Variants in TGFB3 observed in about 807,000 individuals in gnomAD.
TGFB3 encodes transforming growth factor beta-3 proprotein.
TGFB3 carries 5 observed loss-of-function variants against 40.1 expected under a neutral mutation model. That is an observed-to-expected ratio of 0.12 (90% CI 0.07 to 0.26). The LOEUF is 0.26. Ranked by LOEUF, TGFB3 falls within the 10% of genes least tolerant of loss-of-function variation. The probability of loss-of-function intolerance (pLI) is 1.00; values close to 1 mark genes in which losing one functional copy is unlikely to be tolerated. For missense variants in TGFB3, 373 were observed against 530.1 expected (o/e 0.70, Z 2.91); for synonymous variants, 184 against 205.6 (o/e 0.89, Z 0.90).
At position 75,971,521 on chromosome 14, in the gene TGFB3, G is replaced by A. The variant is rs371799211; in HGVS notation, c.516+34C>T. The A allele has an allele frequency of 2.0e-4, 316 of 1,612,990 alleles. No homozygotes were observed. Among genetic ancestry groups the A allele is most frequent in the Non-Finnish European group, 2.5e-4 (291 of 1,179,604 alleles). On this transcript the variant is annotated intron_variant, in intron 2 of 6. Coordinates refer to ENST00000238682, the MANE Select transcript of TGFB3 (RefSeq NM_003239.5). The surrounding 1 kb of genome is among the most constrained non-coding windows in gnomAD (Gnocchi z 4.5). Reference sequence around the variant, plus strand: ...ATATGGCAAAGGAACCAGCTTTCCCGTCGGTGTGGTTTCTGCTCTGAGAGA... The same window carrying A: ...ATATGGCAAAGGAACCAGCTTTCCCATCGGTGTGGTTTCTGCTCTGAGAGA...
At chr14:75,974,195 G>A (rs2035326133) in intron 1 of TGFB3, among the ~76,000 whole-genome samples, 1 of 152,058 alleles carries the variant, frequency 6.6e-6, no homozygotes, top group Non-Finnish European at 1.5e-5. Context: ...AGTCAGAGTG[G>A]GTCAAGGCAG....
Position 75,979,065 on chromosome 14 carries a change from C to G in TGFB3, c.352+1477G>C, listed in dbSNP as rs1474811492. 6.6e-6 allele frequency among the ~76,000 whole-genome samples: 1 copy of G among 152,174 alleles called. No individual in the cohort carries two copies. Among genetic ancestry groups the G allele is most frequent in the African/African-American group, 2.4e-5 (1 of 41,458 alleles). On this transcript the variant is annotated intron_variant, in intron 1 of 6. Coordinates refer to ENST00000238682, the MANE Select transcript of TGFB3 (RefSeq NM_003239.5). This position sits in a 1 kb window ranked among gnomAD's most constrained non-coding sequence, Gnocchi z 4.8. Reference sequence around the variant, plus strand: ...ACTGTGGGTCTCTGAGCCAGCCCCACCCAGAGACCCTGGGCAGGGAGTAGT... The same window carrying G: ...ACTGTGGGTCTCTGAGCCAGCCCCAGCCAGAGACCCTGGGCAGGGAGTAGT...
intron 6 of TGFB3, among the ~76,000 whole-genome samples, chr14:75,959,931 CTTTTTTTTTTTTTTTTT>C (rs71122509): frequency 3.1e-5 from 1 of 32,004 alleles, no homozygotes; most frequent in Non-Finnish European, 5.4e-5. Context: ...ATTATCTTGG[CTTTTTTTTTTTTTTTTT>C]TTTTTTTTTT....
intron 6 of TGFB3, among the ~76,000 whole-genome samples, chr14:75,959,930 G>GTTT (rs2035132914): frequency 3.3e-5 from 2 of 61,044 alleles, no homozygotes; most frequent in Non-Finnish European, 6.7e-5. Flanking sequence ...AATTATCTTG[G>GTTT]CTTTTTTTTT....
chr14:75,982,004 TTC>T (rs2035442032), upstream of TGFB3, among the ~76,000 whole-genome samples: 1 of 151,810 alleles, frequency 6.6e-6, no homozygotes, highest in African/African-American at 2.4e-5. The surrounding 1 kb of genome is among the most constrained non-coding windows in gnomAD (Gnocchi z 4.0). Context: ...CTTTCTCTAT[TTC>T]TCTCTGCTGA....
rs2035118880 is a variant in TGFB3 at position 75,958,913 on chromosome 14, C to T, written c.*274G>A. The T allele has an allele frequency of 6.6e-6, 3 of 453,292 alleles. No individual in the cohort carries two copies. The highest frequency in any genetic ancestry group is 4.0e-5 in the African/African-American group (2 of 50,158). 28.1% of individuals were successfully genotyped at this position (453,292 alleles called of 1,614,324 possible). A position where few individuals can be genotyped will look rare whatever the true frequency, so the allele number is the denominator to read the frequency against. ...TCAACTTACCATCCCTTTCCTCTAT[C>T]CCCATCCCCTCTGTCTGCGTCACAG... On this transcript the variant is annotated 3_prime_UTR_variant, in exon 7 of 7. Transcript: ENST00000238682.
At chr14:75,960,715 G>T in intron 6 of TGFB3, 1 of 646,872 alleles carries the variant, frequency 1.5e-6, no homozygotes, top group Non-Finnish European at 2.6e-6. Flanking sequence ...TAAAAAGCTG[G>T]TTGAAACTAT....
Position 75,979,042 on chromosome 14 carries a change from T to G in TGFB3, c.352+1500A>C, listed in dbSNP as rs771497812. Among the ~76,000 whole-genome samples, 6 of 152,170 alleles carry G rather than the reference T, an allele frequency of 3.9e-5. No homozygotes were observed. The highest frequency in any genetic ancestry group is 3.3e-4 in the Admixed American group (5 of 15,278). ...CGAGCTGCTAGGTGCCTCTGGGAAC[T>G]GTGGGTCTCTGAGCCAGCCCCACCC... is the stretch of plus-strand genomic sequence containing the variant. On this transcript the variant is annotated intron_variant, in intron 1 of 6. Coordinates refer to ENST00000238682, the MANE Select transcript of TGFB3 (RefSeq NM_003239.5). The surrounding 1 kb of genome is among the most constrained non-coding windows in gnomAD (Gnocchi z 4.8).
rs1044464870 is a variant in TGFB3, at chr14:75,978,782, G to A, written c.352+1760C>T. On this transcript the variant is annotated intron_variant, in intron 1 of 6. Coordinates refer to ENST00000238682, the MANE Select transcript of TGFB3 (RefSeq NM_003239.5). This position sits in a 1 kb window ranked among gnomAD's most constrained non-coding sequence, Gnocchi z 5.0. ...TGCACCTGCATGGCCTTGCCTCCAC[G>A]TGGCTCATTCATTCTCAGCTCAGGA... 2.0e-5 allele frequency among the ~76,000 whole-genome samples: 3 copies of A among 152,180 alleles called. No homozygotes were observed. Among genetic ancestry groups the A allele is most frequent in the African/African-American group, 4.8e-5 (2 of 41,446 alleles).
At chr14:75,965,823 G>C (rs2035214850) in intron 3 of TGFB3, 128 bp from the exon 4 acceptor site, 2 of 804,592 alleles carry the variant, frequency 2.5e-6, no homozygotes, top group South Asian at 2.8e-5. Flanking sequence ...GTTCTATTGA[G>C]GGTCACAGGA....
rs554651460 is a variant in TGFB3, at chr14:75,958,590, A to G, written c.*597T>C. 2 of 167,628 alleles carry G rather than the reference A, an allele frequency of 1.2e-5. No individual in the cohort carries two copies. Among genetic ancestry groups the G allele is most frequent in the East Asian group, 3.2e-4 (2 of 6,230 alleles). 10.4% of individuals were successfully genotyped at this position (167,628 alleles called of 1,614,324 possible). A position where few individuals can be genotyped will look rare whatever the true frequency, so the allele number is the denominator to read the frequency against. On this transcript the variant is annotated 3_prime_UTR_variant, in exon 7 of 7. Transcript: ENST00000238682. ...TGCATGACCTGGATTTTCTCCCTGT[A>G]GTGACCCACGATGTTAATTGATGTA... is the stretch of plus-strand genomic sequence containing the variant.
chr14:75,979,270 G>A lies in TGFB3; in HGVS notation c.352+1272C>T, dbSNP rs541578129. Among the ~76,000 whole-genome samples the A allele has an allele frequency of 6.6e-6, 1 of 152,080 alleles. No individual in the cohort carries two copies. The highest frequency in any genetic ancestry group is 1.5e-5 in the Non-Finnish European group (1 of 68,004). ...TCCAGCCAGAGCTGGTCCACCCATCGGTACCCACTCCTGTTCCTTCTCTCC... is the reference window on the plus strand; with the variant it reads ...TCCAGCCAGAGCTGGTCCACCCATCAGTACCCACTCCTGTTCCTTCTCTCC... On this transcript the variant is annotated intron_variant, in intron 1 of 6. Transcript: ENST00000238682. The surrounding 1 kb of genome is among the most constrained non-coding windows in gnomAD (Gnocchi z 4.8).
At chr14:75,965,920 A>C in intron 3 of TGFB3, 1 of 566,364 alleles carries the variant, frequency 1.8e-6, no homozygotes, top group Admixed American at 2.9e-5. Flanking sequence ...TGAATCACCA[A>C]ATGGGGGCAT....
chr14:75,976,918 T>G (rs1307943041), intron 1 of TGFB3, among the ~76,000 whole-genome samples: 1 of 152,150 alleles, frequency 6.6e-6, no homozygotes, highest in African/African-American at 2.4e-5. Context: ...TAAGAATCCA[T>G]AAGGAGCTTG....
chr14:75,963,694 T>C (rs951520320), intron 4 of TGFB3, among the ~76,000 whole-genome samples: 1 of 152,082 alleles, frequency 6.6e-6, no homozygotes, highest in Non-Finnish European at 1.5e-5. Context: ...AAGAACTCAT[T>C]ATTATTGTAA....
chr14:75,974,779 A>AAAAGAAG (rs571276425), intron 1 of TGFB3, among the ~76,000 whole-genome samples: 1 of 148,434 alleles, frequency 6.7e-6, no homozygotes, highest in East Asian at 2.0e-4. Flanking sequence ...AAAAAAAAAA[A>AAAAGAAG]AAGAAGAAGA....
In TGFB3 at chr14:75,975,622, GA is replaced by G. The variant is rs149171786; in HGVS notation, c.353-3905del. Among the ~76,000 whole-genome samples the G allele has an allele frequency of 1.5e-3, 229 of 152,266 alleles. 1 individual carries two copies. The highest frequency in any genetic ancestry group is 5.2e-3 in the African/African-American group (215 of 41,560). On this transcript the variant is annotated intron_variant, in intron 1 of 6. Coordinates refer to ENST00000238682, the MANE Select transcript of TGFB3 (RefSeq NM_003239.5). ...GTAAAATTTATCACTTGACAAATGAGAAAACTGAGCCTCAAAAAGTTAAATG... is the reference window on the plus strand; with the variant it reads ...GTAAAATTTATCACTTGACAAATGAGAAACTGAGCCTCAAAAAGTTAAATG...
At chr14:75,964,830 T>C (rs2140239511) in intron 4 of TGFB3, among the ~76,000 whole-genome samples, 1 of 152,232 alleles carries the variant, frequency 6.6e-6, no homozygotes, top group East Asian at 1.9e-4. Context: ...GGCTGTAAAA[T>C]AGAGCCCATG....
Position 75,980,494 on chromosome 14 carries a change from C to T in TGFB3, c.352+48G>A. ...CCCCCCTCTGCAGAGCTCCCAGCTC[C>T]AGTTCAGACCCTCCAGAGCAGACAC... On this transcript the variant is annotated intron_variant, in intron 1 of 6. Transcript: ENST00000238682. This position sits in a 1 kb window ranked among gnomAD's most constrained non-coding sequence, Gnocchi z 4.3. The T allele has an allele frequency of 6.3e-7, 1 of 1,590,020 alleles. No individual in the cohort carries two copies. The highest frequency in any genetic ancestry group is 1.3e-5 in the African/African-American group (1 of 74,568).
Sources: gnomAD v4.1 joint callset for allele counts (sites outside exome capture counted in the v4.1 genomes callset) on GRCh38, gnomAD v4.1.1 for gene constraint, Gnocchi (gnomAD v3.1) non-coding constraint, MANE v1.5 for transcripts, NCBI Gene and HGNC (gene_info 2026-07-23, HGNC 2026-07-21) for gene names.